The following ULK2 variants were observed in gnomAD, a reference collection of about 807,000 sequenced individuals.
ULK2 encodes the protein unc-51 like autophagy activating kinase 2, also known as serine/threonine-protein kinase ULK2.
Under a neutral mutation model 127.5 loss-of-function variants are expected in ULK2, and 76 were observed. The ratio of observed to expected loss-of-function variants is 0.60; its 90% CI spans 0.50 to 0.72. The LOEUF is 0.72. Among genes scored for constraint, ULK2 ranks in the 30% least tolerant of loss-of-function variants. The probability of loss-of-function intolerance (pLI) is 0.00; values close to 1 mark genes in which losing one functional copy is unlikely to be tolerated. For synonymous variants in ULK2, 452 were observed against 461.9 expected (o/e 0.98, Z 0.28); for missense variants, 1,144 against 1,295.9 (o/e 0.88, Z 1.80).
intron 13 of ULK2, 94 bp downstream of exon 13, chr17:19,816,655 C>T: frequency 9.2e-7 from 1 of 1,088,322 alleles, no homozygotes; most frequent in South Asian, 3.0e-5. Context: ...TGAAAAGGTG[C>T]CCTACACAAG....
chr17:19,867,443 G>T lies in ULK2; in HGVS notation c.-26C>A, dbSNP rs758964068. ...GGCCGCGCCCCCGGGGCACACAGCG[G>T]ACGGGCGGGCGGCGCAGTGCGGCGC... On this transcript the variant is annotated 5_prime_UTR_variant, in exon 1 of 27. Transcript: ENST00000395544. 7.0e-6 allele frequency: 11 copies of T among 1,579,490 alleles called. No homozygotes were observed. The highest frequency in any genetic ancestry group is 7.7e-6 in the Non-Finnish European group (9 of 1,164,574).
chr17:19,840,154 G>C, intron 9 of ULK2: 1 of 452,320 alleles, frequency 2.2e-6, no homozygotes, highest in Non-Finnish European at 4.5e-6. Flanking sequence ...ACTCTATCAC[G>C]CCTGGCCACT....
At chr17:19,842,348 C>T (rs1035533889) in intron 8 of ULK2, among the ~76,000 whole-genome samples, 4 of 151,774 alleles carry the variant, frequency 2.6e-5, no homozygotes, top group Non-Finnish European at 4.4e-5. Context: ...CAGGCATGTG[C>T]CACCACACCC....
chr17:19,850,085 TAAATTTACAATGGGGAAAA>T (rs1419559798), intron 3 of ULK2, among the ~76,000 whole-genome samples: 2 of 152,240 alleles, frequency 1.3e-5, no homozygotes, highest in South Asian at 4.2e-4. Context: ...AAAAGCATGG[TAAATTTACAATGGGGAAAA>T]AGGAAGGATT....
intron 13 of ULK2, 26 bp downstream of exon 13, chr17:19,816,723 T>C (rs768809738): frequency 3.3e-6 from 5 of 1,512,590 alleles, no homozygotes; most frequent in South Asian, 2.8e-5. Flanking sequence ...AGAAATACAA[T>C]GTGTACAAGT....
chr17:19,865,877 A>C, intron 1 of ULK2, 49 bp from the exon 2 acceptor site: 1 of 1,173,882 alleles, frequency 8.5e-7, no homozygotes, highest in Non-Finnish European at 1.2e-6. Context: ...CACATAAATA[A>C]CAGAAAAAAA....
intron 23 of ULK2, 133 bp from the exon 24 acceptor site, chr17:19,781,237 CT>C (rs2086913043): frequency 4.0e-5 from 21 of 529,964 alleles, no homozygotes; most frequent in Non-Finnish European, 3.2e-5. Flanking sequence ...TTTCTTCTTT[CT>C]TTTCTTTTTT....
Position 19,782,046 on chromosome 17 carries a change from G to C in ULK2, c.2482C>G (p.Arg828Gly), listed in dbSNP as rs371917220. 2 of 1,614,046 alleles carry C rather than the reference G, an allele frequency of 1.2e-6. No homozygotes were observed. The highest frequency in any genetic ancestry group is 1.7e-6 in the Non-Finnish European group (2 of 1,180,004). The change falls in exon 23 of 27, where the codon CGC (arginine) becomes GGC (glycine). Residue 828 changes from arginine (R) to glycine (G), a missense_variant. Transcript: ENST00000395544. ...AACATCAGCATCACATTCAGATGGC[G>C]TAAGGTGTCTGTGTGTTCCCGCTGC... ...LMEREHTDTL[R>G]HLNVMLMFTE...
Position 19,776,166 on chromosome 17 carries a change from G to A in ULK2, c.*183C>T. The A allele has an allele frequency of 1.9e-6, 1 of 537,608 alleles. No homozygotes were observed. The allele number at this position is 537,608 out of a possible 1,614,324, so 33.3% of individuals were successfully genotyped here. On this transcript the variant is annotated 3_prime_UTR_variant, in exon 27 of 27. Coordinates refer to ENST00000395544, the MANE Select transcript of ULK2 (RefSeq NM_014683.4). ...GGAAAGGGTGATTTTCTCCAATAAG[G>A]CAGATTTCCTACAAATATGTAGTTT... is the stretch of plus-strand genomic sequence containing the variant.
intron 3 of ULK2, among the ~76,000 whole-genome samples, chr17:19,852,113 G>A (rs1456453368): frequency 2.0e-5 from 3 of 150,718 alleles, no homozygotes; most frequent in African/African-American, 7.3e-5. Flanking sequence ...TAGTCCCAGC[G>A]GCTTGGGAGG....
chr17:19,790,977 G>A (rs2087139056), intron 20 of ULK2, among the ~76,000 whole-genome samples: 1 of 151,670 alleles, frequency 6.6e-6, no homozygotes, highest in African/African-American at 2.4e-5. Context: ...AGATATATAC[G>A]CACCCTACAC....
intron 1 of ULK2, 46 bp from the exon 2 acceptor site, chr17:19,865,874 A>G (rs749811404): frequency 4.2e-6 from 5 of 1,195,130 alleles, no homozygotes; most frequent in Non-Finnish European, 4.7e-6. Context: ...TTCCACATAA[A>G]TAACAGAAAA....
chr17:19,785,573 A>G (rs967539196), intron 21 of ULK2, among the ~76,000 whole-genome samples: 9 of 152,088 alleles, frequency 5.9e-5, no homozygotes, highest in African/African-American at 2.2e-4. Flanking sequence ...TAATTTTCAA[A>G]TAATTTATTG....
At chr17:19,817,986 T>C (rs1023043533) in intron 12 of ULK2, among the ~76,000 whole-genome samples, 3 of 152,096 alleles carry the variant, frequency 2.0e-5, no homozygotes, top group Non-Finnish European at 2.9e-5. Flanking sequence ...GCCTCAACCA[T>C]GCGCTAGGCA....
chr17:19,795,946 G>T, intron 19 of ULK2, 149 bp downstream of exon 19: 1 of 1,193,148 alleles, frequency 8.4e-7, no homozygotes. Context: ...GTGGTTTTCA[G>T]AGATTCTAAA....
intron 20 of ULK2, among the ~76,000 whole-genome samples, chr17:19,795,347 TAAA>T (rs755484577): frequency 1.2e-5 from 1 of 82,766 alleles, no homozygotes; most frequent in African/African-American, 5.1e-5. Context: ...ACCCTACTGA[TAAA>T]AAAAAAAAAA....
chr17:19,798,163 AATAT>A (rs1271840342), intron 17 of ULK2, among the ~76,000 whole-genome samples: 1 of 152,158 alleles, frequency 6.6e-6, no homozygotes, highest in Non-Finnish European at 1.5e-5. Flanking sequence ...AAAATAAACA[AATAT>A]ATATAACGTG....
chr17:19,818,859 G>A (rs954394907), intron 12 of ULK2, among the ~76,000 whole-genome samples: 6 of 143,680 alleles, frequency 4.2e-5, no homozygotes, highest in African/African-American at 1.6e-4. Context: ...GGAGTACAGT[G>A]GCATGATCTT....
chr17:19,825,293 C>CA, intron 11 of ULK2, 111 bp from the exon 12 acceptor site: 2 of 814,758 alleles, frequency 2.5e-6, no homozygotes, highest in Middle Eastern at 4.7e-4. Flanking sequence ...CCAAAATCTG[C>CA]ATTTACCTAT....
Sources: allele counts gnomAD v4.1 joint callset (sites outside exome capture counted in the v4.1 genomes callset), GRCh38; gene constraint gnomAD v4.1.1; transcripts MANE v1.5; gene names NCBI Gene and HGNC (gene_info 2026-07-23, HGNC 2026-07-21).